The following WRAP53 variants were observed in gnomAD, a reference collection of about 807,000 sequenced individuals.
WRAP53 encodes the protein WD repeat containing antisense to TP53.
In WRAP53, 28 loss-of-function variants were observed where a neutral mutation model predicts 56.6. The observed-to-expected ratio is 0.50, with a 90% CI of 0.37 to 0.68. The LOEUF is 0.68. Ranked by LOEUF, WRAP53 falls within the 30% of genes least tolerant of loss-of-function variation. The probability of loss-of-function intolerance (pLI) is 0.00; values close to 1 mark genes in which losing one functional copy is unlikely to be tolerated. For missense variants in WRAP53, 671 were observed against 715.5 expected (o/e 0.94, Z 0.71); for synonymous variants, 283 against 283.4 (o/e 1.00, Z 0.01).
intron 4 of WRAP53, among the ~76,000 whole-genome samples, chr17:7,693,547 T>A (rs1428419063): frequency 2.6e-5 from 4 of 151,852 alleles, no homozygotes; most frequent in African/African-American, 9.7e-5. Flanking sequence ...AGTGAAACCC[T>A]GTCTTTACTA....
At chr17:7,698,539 G>A (rs774333583) in intron 4 of WRAP53, among the ~76,000 whole-genome samples, 3 of 152,032 alleles carry the variant, frequency 2.0e-5, no homozygotes, top group Non-Finnish European at 2.9e-5. Flanking sequence ...TTAGACCAGC[G>A]TGAGCAACAC....
chr17:7,701,748 C>T lies in WRAP53; in HGVS notation c.914C>T (p.Thr305Met), dbSNP rs375033488. Residue 305 changes from threonine (T) to methionine (M), a missense_variant, in exon 7 of 11, where the codon ACG (threonine) becomes ATG (methionine). By Grantham distance (81) the Thr-to-Met change is moderately conservative (BLOSUM62 -1). This residue lies in a region of WRAP53 where 406 missense variants were observed against 418.5 expected (regional missense o/e 0.97). Transcript: ENST00000396463. This position sits in a 1 kb window ranked among gnomAD's most constrained non-coding sequence, Gnocchi z 4.2. ...AACCGGACTGTGCGTGTTTTTTCCACGGCCCGGCCTGGCCGAGACTGCGAG... is the reference window on the plus strand; with the variant it reads ...AACCGGACTGTGCGTGTTTTTTCCATGGCCCGGCCTGGCCGAGACTGCGAG... ...GFNRTVRVFSTARPGRDCEVR... is the reference protein window; with the variant it reads ...GFNRTVRVFSMARPGRDCEVR... The T allele has an allele frequency of 4.6e-5, 74 of 1,614,038 alleles. No homozygotes were observed. In the East Asian group the frequency reaches 4.9e-4, roughly 11 times the overall value.
At position 7,702,667 on chromosome 17, in the gene WRAP53, G is replaced by C; in HGVS notation, c.1165-76G>C. The stretch of plus-strand genomic sequence containing the variant: ...GGGGAAAAAATCCCAAGCTGAAGGA[G>C]TGCCTGGAGACCCCGAGGGAGGCAG... On this transcript the variant is annotated intron_variant, in intron 8 of 10. Transcript: ENST00000396463. This position sits in a 1 kb window ranked among gnomAD's most constrained non-coding sequence, Gnocchi z 5.0. The C allele has an allele frequency of 6.3e-7, 1 of 1,598,230 alleles. No individual in the cohort carries two copies. The highest frequency in any genetic ancestry group is 8.5e-7 in the Non-Finnish European group (1 of 1,173,492).
chr17:7,699,522 TTA>T lies in WRAP53; in HGVS notation c.643-1203_643-1202del, dbSNP rs1203888377. On this transcript the variant is annotated intron_variant, in intron 4 of 10. Transcript: ENST00000396463. ...TATATTTATATATATATATATATAT[TTA>T]TATATATATATATATTCCTAAGGAA... Among the ~76,000 whole-genome samples the T allele has an allele frequency of 5.7e-4, 8 of 14,102 alleles. 1 individual carries two copies. Among genetic ancestry groups the T allele is most frequent in the South Asian group, 2.1e-3 (1 of 476 alleles). 9.3% of individuals were successfully genotyped at this position (14,102 alleles called of 152,430 possible).
rs1231659139 is a variant in WRAP53 at position 7,701,822 on chromosome 17, G to A, written c.955+33G>A. 6.2e-7 allele frequency: 1 copy of A among 1,607,034 alleles called. No homozygotes were observed. The highest frequency in any genetic ancestry group is 8.5e-7 in the Non-Finnish European group (1 of 1,176,596). On this transcript the variant is annotated intron_variant, in intron 7 of 10. Coordinates refer to ENST00000396463, the MANE Select transcript of WRAP53 (RefSeq NM_001143992.2). This position sits in a 1 kb window ranked among gnomAD's most constrained non-coding sequence, Gnocchi z 4.2. ...TCTGTGCCTCCAAGGGAGGAGGAGA[G>A]GGAAGGGCACTGCCACCTGCACAGG...
chr17:7,691,582 G>A (rs187403391), intron 4 of WRAP53, among the ~76,000 whole-genome samples: 3 of 151,744 alleles, frequency 2.0e-5, no homozygotes, highest in Admixed American at 6.6e-5. Context: ...AAATAGAGAC[G>A]GGGTTTTACC....
rs1270124439 is a variant in WRAP53 at position 7,703,023 on chromosome 17, G to C, written c.1299G>C (p.Thr433=). 1 of 1,614,060 alleles carries C rather than the reference G, an allele frequency of 6.2e-7. No homozygotes were observed. Among genetic ancestry groups the C allele is most frequent in the Non-Finnish European group, 8.5e-7 (1 of 1,180,020 alleles). The change falls in exon 10 of 11, where the codon ACG becomes ACC. Residue 433 remains threonine (T), a synonymous_variant. Transcript: ENST00000396463. ...GGCAGTTCCTAGTGAGTGGCAGCAC[G>C]AGCGGGGCTGTCTCTGTGTGGGACA... is the stretch of plus-strand genomic sequence containing the variant. ...PTGQFLVSGS[T]SGAVSVWDTD...
intron 1 of WRAP53, 21 bp downstream of exon 1, chr17:7,688,582 G>A: frequency 1.9e-6 from 3 of 1,578,758 alleles, no homozygotes; most frequent in East Asian, 2.3e-5. Flanking sequence ...TTAGCTCTGC[G>A]TCGGATCCCT....
chr17:7,700,084 T>C (rs1412660439), intron 4 of WRAP53, among the ~76,000 whole-genome samples: 9 of 151,580 alleles, frequency 5.9e-5, no homozygotes, highest in Admixed American at 2.0e-4. Context: ...ACTGTCTCTC[T>C]GTCACCTAGG....
Position 7,701,335 on chromosome 17 carries a change from C to T in WRAP53, c.732-124C>T, listed in dbSNP as rs2074270346. The stretch of plus-strand genomic sequence containing the variant: ...GGCCAGGCTGGTCTCGAACTCCTGA[C>T]CTCAAGTGATCCACCTGCCTTGGCC... On this transcript the variant is annotated intron_variant, in intron 5 of 10. Coordinates refer to ENST00000396463, the MANE Select transcript of WRAP53 (RefSeq NM_001143992.2). This position sits in a 1 kb window ranked among gnomAD's most constrained non-coding sequence, Gnocchi z 4.2. 2 of 1,023,152 alleles carry T rather than the reference C, an allele frequency of 2.0e-6. No individual in the cohort carries two copies. Among genetic ancestry groups the T allele is most frequent in the East Asian group, 2.4e-5 (1 of 41,898 alleles). 63.4% of individuals were successfully genotyped at this position (1,023,152 alleles called of 1,614,324 possible). A position where few individuals can be genotyped will look rare whatever the true frequency, so the allele number is the denominator to read the frequency against.
intron 4 of WRAP53, among the ~76,000 whole-genome samples, chr17:7,693,012 A>T (rs1489989966): frequency 6.6e-6 from 1 of 151,282 alleles, no homozygotes; most frequent in Non-Finnish European, 1.5e-5. Flanking sequence ...AAGTGCTGGG[A>T]TTACAAGCAT....
intron 4 of WRAP53, among the ~76,000 whole-genome samples, chr17:7,698,308 G>A (rs974791282): frequency 1.3e-5 from 2 of 151,980 alleles, no homozygotes; most frequent in Non-Finnish European, 2.9e-5. Flanking sequence ...ATAGAAGAAG[G>A]GTAGATCAGT....
At chr17:7,696,754 T>A (rs1247534458) in intron 4 of WRAP53, among the ~76,000 whole-genome samples, 1 of 152,088 alleles carries the variant, frequency 6.6e-6, no homozygotes, top group African/African-American at 2.4e-5. Context: ...GTGGTAGCAG[T>A]CAAGGCTGGT....
chr17:7,699,464 A>ATATATATATT (rs1567577250), intron 4 of WRAP53, among the ~76,000 whole-genome samples: 4 of 19,346 alleles, frequency 2.1e-4, no homozygotes, highest in Non-Finnish European at 3.1e-4. Flanking sequence ...ATATTTATAT[A>ATATATATATT]TATATATATA....
In WRAP53 at chr17:7,701,031, G is replaced by A. The variant is rs1415499184; in HGVS notation, c.731+202G>A. Among the ~76,000 whole-genome samples, 1 of 151,592 alleles carries A rather than the reference G, an allele frequency of 6.6e-6. No homozygotes were observed. Among genetic ancestry groups the A allele is most frequent in the African/African-American group, 2.4e-5 (1 of 41,218 alleles). Reference sequence around the variant, plus strand: ...TCTGTCACCCAGGCTGGAGGGCGGTGATGCAGTCTCAGCTCACTGCAACCT... The same window carrying A: ...TCTGTCACCCAGGCTGGAGGGCGGTAATGCAGTCTCAGCTCACTGCAACCT... On this transcript the variant is annotated intron_variant, in intron 5 of 10. Coordinates refer to ENST00000396463, the MANE Select transcript of WRAP53 (RefSeq NM_001143992.2). This position sits in a 1 kb window ranked among gnomAD's most constrained non-coding sequence, Gnocchi z 4.2.
Position 7,703,086 on chromosome 17 carries a change from G to T in WRAP53, c.1362G>T (p.Val454=), listed in dbSNP as rs757191466. Residue 454 remains valine, a synonymous_variant, in exon 10 of 11, where the codon GTG becomes GTT. Coordinates refer to ENST00000396463, the MANE Select transcript of WRAP53 (RefSeq NM_001143992.2). ...GCAATGATGGGAAGCCGGAGCCCGTGTTGAGTTTTCTGCCCCAGAAGGACT... is the reference window on the plus strand; with the variant it reads ...GCAATGATGGGAAGCCGGAGCCCGTTTTGAGTTTTCTGCCCCAGAAGGACT... ...GPGNDGKPEP[V]LSFLPQKDCT... The T allele has an allele frequency of 2.5e-6, 4 of 1,614,036 alleles. No individual in the cohort carries two copies. Among genetic ancestry groups the T allele is most frequent in the Admixed American group, 3.3e-5 (2 of 60,002 alleles).
intron 4 of WRAP53, among the ~76,000 whole-genome samples, chr17:7,698,472 T>C (rs948173540): frequency 1.3e-5 from 2 of 152,140 alleles, no homozygotes; most frequent in Non-Finnish European, 2.9e-5. Flanking sequence ...TGGCTCATGC[T>C]TGTAATCCCA....
In WRAP53 at chr17:7,702,563, C is replaced by T. The variant is rs745376193; in HGVS notation, c.1164+11C>T. On this transcript the variant is annotated intron_variant, in intron 8 of 10. Transcript: ENST00000396463. This position sits in a 1 kb window ranked among gnomAD's most constrained non-coding sequence, Gnocchi z 5.0. ...TCAGGAGCCCGCAAGGTAGGGGTCA[C>T]ACCCTGAGAGCCCAAAGCAGCTGGG... The T allele has an allele frequency of 1.2e-6, 2 of 1,605,160 alleles. No homozygotes were observed.
intron 4 of WRAP53, among the ~76,000 whole-genome samples, chr17:7,693,647 G>A (rs1261619388): frequency 6.6e-6 from 1 of 152,086 alleles, no homozygotes; most frequent in Non-Finnish European, 1.5e-5. Context: ...TTGAATCCAG[G>A]AGGCGAAGGT....
Sources: gnomAD v4.1 joint callset for allele counts (sites outside exome capture counted in the v4.1 genomes callset) on GRCh38, gnomAD v4.1.1 for gene constraint, gnomAD v4.1.1 regional missense constraint, Gnocchi (gnomAD v3.1) non-coding constraint, MANE v1.5 for transcripts, NCBI Gene and HGNC (gene_info 2026-07-23, HGNC 2026-07-21) for gene names.